The following GRM3 variants were observed in gnomAD, a reference collection of about 807,000 sequenced individuals.
GRM3 encodes metabotropic glutamate receptor 3.
In GRM3, 26 loss-of-function variants were observed where a neutral mutation model predicts 70.5. The ratio of observed to expected loss-of-function variants is 0.37; its 90% CI spans 0.27 to 0.51. GRM3 has a LOEUF of 0.51. Among genes scored for constraint, GRM3 ranks in the 20% least tolerant of loss-of-function variants. GRM3 has a pLI of 0.93. For synonymous variants in GRM3, 443 were observed against 434.9 expected (o/e 1.02, Z -0.23); for missense variants, 859 against 1,123.8 (o/e 0.76, Z 3.37).
chr7:86,796,072 T>C lies in GRM3; in HGVS notation c.1324+8956T>C, dbSNP rs145700784. Among the ~76,000 whole-genome samples the C allele has an allele frequency of 1.7e-4, 26 of 152,340 alleles. 1 individual carries two copies. The highest frequency in any genetic ancestry group is 5.5e-4 in the African/African-American group (23 of 41,578). On this transcript the variant is annotated intron_variant, in intron 3 of 5. Transcript: ENST00000361669. ...GCAGAATCTCTTTAGTTTAATTAGA[T>C]CTCATTTGTCAATTTTTGCTTTTGT...
At chr7:86,794,561 C>G (rs1245793263) in intron 3 of GRM3, among the ~76,000 whole-genome samples, 1 of 152,146 alleles carries the variant, frequency 6.6e-6, no homozygotes, top group Non-Finnish European at 1.5e-5. Flanking sequence ...GAGGATCAGG[C>G]ATTGAGAAGG....
intron 1 of GRM3, among the ~76,000 whole-genome samples, chr7:86,727,153 A>G (rs1795611379): frequency 6.6e-6 from 1 of 152,188 alleles, no homozygotes; most frequent in Non-Finnish European, 1.5e-5. Context: ...ATATAGTGCA[A>G]AAAGAGACAA....
At chr7:86,793,149 G>T (rs1167826121) in intron 3 of GRM3, among the ~76,000 whole-genome samples, 1 of 151,654 alleles carries the variant, frequency 6.6e-6, no homozygotes, top group South Asian at 2.1e-4. Context: ...AGGAGAAGAG[G>T]CAGAAAATGG....
chr7:86,856,974 T>A (rs562801009), intron 5 of GRM3, among the ~76,000 whole-genome samples: 30 of 152,190 alleles, frequency 2.0e-4, no homozygotes, highest in African/African-American at 7.0e-4. Flanking sequence ...ATCTACTAGA[T>A]ACTTTAGGAA....
At chr7:86,736,168 G>T (rs190764706) in intron 1 of GRM3, among the ~76,000 whole-genome samples, 51 of 152,188 alleles carry the variant, frequency 3.4e-4, no homozygotes, top group African/African-American at 1.2e-3. Context: ...GTGTAGGGGA[G>T]AAAAGCTAAC....
At chr7:86,843,229 G>A (rs908971535) in intron 4 of GRM3, among the ~76,000 whole-genome samples, 3 of 152,102 alleles carry the variant, frequency 2.0e-5, no homozygotes, top group Non-Finnish European at 4.4e-5. Flanking sequence ...AAATTTGGAA[G>A]TAAATTTTAT....
intron 3 of GRM3, among the ~76,000 whole-genome samples, chr7:86,834,443 C>A (rs137868935): frequency 6.6e-6 from 1 of 152,190 alleles, no homozygotes; most frequent in African/African-American, 2.4e-5. Flanking sequence ...ATTTGCCTTC[C>A]AAAAGCTCAT....
intron 5 of GRM3, among the ~76,000 whole-genome samples, chr7:86,857,918 TTTTTATTTTA>T (rs375923210): frequency 0.068 from 9,754 of 142,642 alleles, 385 homozygotes; most frequent in African/African-American, 0.11. Context: ...AGAGAGTAAA[TTTTTATTTTA>T]TTTTATTTTA....
chr7:86,660,320 TAGG>T (rs1340038105), intron 1 of GRM3, among the ~76,000 whole-genome samples: 1 of 152,026 alleles, frequency 6.6e-6, no homozygotes, highest in Non-Finnish European at 1.5e-5. Context: ...CCTTGTATCC[TAGG>T]AGAAGAGCTC....
intron 3 of GRM3, among the ~76,000 whole-genome samples, chr7:86,789,169 A>G (rs750172272): frequency 9.3e-4 from 142 of 152,336 alleles, no homozygotes; most frequent in Middle Eastern, 3.4e-3. Flanking sequence ...TTTGACAGAC[A>G]TTACCAGTCA....
At chr7:86,837,018 G>C (rs1798469487) in intron 3 of GRM3, among the ~76,000 whole-genome samples, 2 of 152,182 alleles carry the variant, frequency 1.3e-5, no homozygotes, top group Non-Finnish European at 1.5e-5. Flanking sequence ...TATGTGATGG[G>C]TTTGTGAAGT....
At chr7:86,853,809 G>A (rs973711670) in intron 5 of GRM3, among the ~76,000 whole-genome samples, 2 of 152,092 alleles carry the variant, frequency 1.3e-5, no homozygotes, top group African/African-American at 2.4e-5. Flanking sequence ...CAGTTTACAA[G>A]TCAGGAATTC....
intron 1 of GRM3, among the ~76,000 whole-genome samples, chr7:86,732,144 A>G (rs920327858): frequency 1.3e-5 from 2 of 152,190 alleles, no homozygotes; most frequent in African/African-American, 4.8e-5. Flanking sequence ...TGCTTATTCA[A>G]AATATATGTA....
In GRM3 at chr7:86,765,085, G is replaced by A; in HGVS notation, c.-61G>A. 2 of 1,513,848 alleles carry A rather than the reference G, an allele frequency of 1.3e-6. No homozygotes were observed. Among genetic ancestry groups the A allele is most frequent in the South Asian group, 1.4e-5 (1 of 73,204 alleles). The allele number at this position is 1,513,848 out of a possible 1,614,324, so 93.8% of individuals were successfully genotyped here. ...AAAGATCCAGTTTGGAAATGAGAGA[G>A]GACTAGCATGACACATTGGCTCCAC... On this transcript the variant is annotated 5_prime_UTR_variant, in exon 2 of 6. Coordinates refer to ENST00000361669, the MANE Select transcript of GRM3 (RefSeq NM_000840.3).
chr7:86,805,556 T>C (rs1319099736), intron 3 of GRM3, among the ~76,000 whole-genome samples: 2 of 152,210 alleles, frequency 1.3e-5, no homozygotes, highest in African/African-American at 4.8e-5. Context: ...ATAGTTTCAC[T>C]GCCCTAAGAC....
At chr7:86,769,871 G>C (rs941918047) in intron 2 of GRM3, among the ~76,000 whole-genome samples, 2 of 152,090 alleles carry the variant, frequency 1.3e-5, no homozygotes, top group African/African-American at 2.4e-5. Flanking sequence ...ATATATGTGG[G>C]AGTCTATTCA....
At chr7:86,753,623 G>T (rs60332174) in intron 1 of GRM3, among the ~76,000 whole-genome samples, 5 of 151,624 alleles carry the variant, frequency 3.3e-5, no homozygotes, top group African/African-American at 1.2e-4. Context: ...TAAAATGCTC[G>T]CTGTGATTTG....
In GRM3 at chr7:86,841,048, T is replaced by C. The variant is rs554206214; in HGVS notation, c.2391+1143T>C. On this transcript the variant is annotated intron_variant, in intron 4 of 5. Transcript: ENST00000361669. ...CTTTTAGCATAAAAAATGGTAAGTATGTGAAGTAATGCATATGTTAATTAG... is the reference window on the plus strand; with the variant it reads ...CTTTTAGCATAAAAAATGGTAAGTACGTGAAGTAATGCATATGTTAATTAG... Among the ~76,000 whole-genome samples the C allele has an allele frequency of 1.8e-4, 28 of 152,290 alleles. No homozygotes were observed. The East Asian group carries it at 1.9e-3, about 10-fold the overall frequency.
intron 2 of GRM3, among the ~76,000 whole-genome samples, chr7:86,782,354 A>C (rs1431199878): frequency 2.7e-5 from 4 of 148,412 alleles, no homozygotes; most frequent in Non-Finnish European, 6.0e-5. Context: ...ATTCTCTCCT[A>C]CTTTTGAGTG....
Sources: allele counts gnomAD v4.1 joint callset (sites outside exome capture counted in the v4.1 genomes callset), GRCh38; gene constraint gnomAD v4.1.1; transcripts MANE v1.5; gene names NCBI Gene and HGNC (gene_info 2026-07-23, HGNC 2026-07-21).